Variants in GABRA2 observed in about 807,000 individuals in gnomAD.
The protein encoded by GABRA2 is gamma-aminobutyric acid receptor subunit alpha-2.
GABRA2 carries 16 observed loss-of-function variants against 48.7 expected under a neutral mutation model. The observed-to-expected ratio is 0.33, with a 90% CI of 0.22 to 0.50. The LOEUF (loss-of-function observed/expected upper bound fraction) is 0.50. Ranked by LOEUF, GABRA2 falls within the 20% of genes least tolerant of loss-of-function variation. The probability of loss-of-function intolerance (pLI) is 0.98; values close to 1 mark genes in which losing one functional copy is unlikely to be tolerated. For missense variants in GABRA2, 275 were observed against 535.6 expected (o/e 0.51, Z 4.80); for synonymous variants, 185 against 184.5 (o/e 1.00, Z -0.02).
chr4:46,300,896 A>G (rs750203936), intron 8 of GABRA2, among the ~76,000 whole-genome samples: 149 of 152,074 alleles, frequency 9.8e-4, no homozygotes, highest in Non-Finnish European at 1.4e-3. Context: ...CTATTTTAGT[A>G]GCCTCTTAAC....
At chr4:46,343,158 G>C (rs1231242315) in intron 3 of GABRA2, among the ~76,000 whole-genome samples, 2 of 151,786 alleles carry the variant, frequency 1.3e-5, no homozygotes, top group African/African-American at 4.8e-5. Flanking sequence ...ACCTTGCCCT[G>C]TTTTTCCCCA....
rs115857741 is a variant in GABRA2 at position 46,282,637 on chromosome 4, A to G, written c.857-20509T>C. 7.6e-3 allele frequency among the ~76,000 whole-genome samples: 1,151 copies of G among 152,290 alleles called. 16 individuals carry two copies. The highest frequency in any genetic ancestry group is 0.026 in the African/African-American group (1,082 of 41,562). On this transcript the variant is annotated intron_variant, in intron 8 of 9. Transcript: ENST00000381620. ...ATTCCTGCCCAGATCTGTTTTTCCC[A>G]GAAGTTTATAGAGGTCCATAGCTTC...
chr4:46,369,726 A>G (rs1212803916), intron 3 of GABRA2, among the ~76,000 whole-genome samples: 1 of 152,148 alleles, frequency 6.6e-6, no homozygotes, highest in Non-Finnish European at 1.5e-5. Flanking sequence ...AGGCAGAGTC[A>G]TAAGTCTTTG....
At chr4:46,373,196 A>G (rs751965864) in intron 3 of GABRA2, among the ~76,000 whole-genome samples, 3 of 152,218 alleles carry the variant, frequency 2.0e-5, no homozygotes, top group Non-Finnish European at 4.4e-5. Context: ...GAATGTAAAC[A>G]TCTTCATCCT....
intron 3 of GABRA2, among the ~76,000 whole-genome samples, chr4:46,349,727 T>G (rs1578136906): frequency 6.6e-6 from 1 of 151,928 alleles, no homozygotes; most frequent in East Asian, 1.9e-4. Flanking sequence ...AACACAGAGC[T>G]TATTGATATT....
intron 1 of GABRA2, 170 bp from the exon 2 acceptor site, chr4:46,388,886 T>C (rs1717840529): frequency 7.3e-7 from 1 of 1,361,098 alleles, no homozygotes; most frequent in Non-Finnish European, 9.5e-7. Context: ...ATTTCTTTTT[T>C]ATGGACCCCC....
chr4:46,281,986 C>A (rs1414186896), intron 8 of GABRA2, among the ~76,000 whole-genome samples: 3 of 152,042 alleles, frequency 2.0e-5, no homozygotes, highest in African/African-American at 7.2e-5. Context: ...GAAGGGTTGG[C>A]AATATGCAGA....
chr4:46,254,099 A>T (rs1327030998), intron 9 of GABRA2, among the ~76,000 whole-genome samples: 1 of 151,460 alleles, frequency 6.6e-6, no homozygotes, highest in African/African-American at 2.4e-5. Context: ...TGATAGTCCC[A>T]AAGAATATCC....
rs1718026731 is a variant in GABRA2 at position 46,389,888 on chromosome 4, G to A, written c.-164C>T. The A allele has an allele frequency of 4.1e-6, 4 of 983,654 alleles. No individual in the cohort carries two copies. Among genetic ancestry groups the A allele is most frequent in the Non-Finnish European group, 4.8e-6 (4 of 830,338 alleles). The allele number at this position is 983,654 out of a possible 1,614,324, so 60.9% of individuals were successfully genotyped here. A position where few individuals can be genotyped will look rare whatever the true frequency, so the allele number is the denominator to read the frequency against. On this transcript the variant is annotated 5_prime_UTR_variant, in exon 1 of 10. It adds an upstream start codon to the 5' untranslated region. Coordinates refer to ENST00000381620, the MANE Select transcript of GABRA2 (RefSeq NM_000807.4). ...CCGAGACTGCAGCAGCCAAGAGAGC[G>A]TGGAGCGATGGGCTGGTGGAAGCCG...
intron 8 of GABRA2, among the ~76,000 whole-genome samples, chr4:46,262,386 C>G (rs1277927669): frequency 5.9e-5 from 9 of 152,050 alleles, no homozygotes; most frequent in Non-Finnish European, 1.0e-4. Flanking sequence ...AAATCAACTT[C>G]CTTCTTCTTA....
intron 3 of GABRA2, among the ~76,000 whole-genome samples, chr4:46,347,145 A>G (rs1734275300): frequency 6.6e-6 from 1 of 151,986 alleles, no homozygotes; most frequent in Non-Finnish European, 1.5e-5. Context: ...AAGATTTAAT[A>G]TTGTCAAAAT....
At chr4:46,327,237 G>T (rs1730545631) in intron 4 of GABRA2, among the ~76,000 whole-genome samples, 1 of 151,808 alleles carries the variant, frequency 6.6e-6, no homozygotes, top group Non-Finnish European at 1.5e-5. Flanking sequence ...TTAAAATACA[G>T]ACTTTCATGT....
intron 1 of GABRA2, chr4:46,389,437 C>G (rs780673895): frequency 1.2e-5 from 12 of 979,454 alleles, no homozygotes; most frequent in Non-Finnish European, 1.5e-5. Flanking sequence ...GCTCCGGCAG[C>G]AAACACCAGC....
intron 3 of GABRA2, among the ~76,000 whole-genome samples, chr4:46,338,106 T>C (rs2109839775): frequency 6.6e-6 from 1 of 152,002 alleles, no homozygotes; most frequent in East Asian, 1.9e-4. Context: ...ATACACACCA[T>C]TTTAAAACTG....
intron 8 of GABRA2, among the ~76,000 whole-genome samples, chr4:46,291,329 G>A (rs2350771): frequency 0.5 from 76,233 of 151,472 alleles, 20,352 homozygotes; most frequent in African/African-American, 0.69. Flanking sequence ...TTTTCTAGGA[G>A]TGTGCCCATT....
At chr4:46,356,868 T>C (rs1736056841) in intron 3 of GABRA2, among the ~76,000 whole-genome samples, 1 of 152,176 alleles carries the variant, frequency 6.6e-6, no homozygotes, top group Admixed American at 6.5e-5. Flanking sequence ...GGAGAAATAG[T>C]AACTTTTGTG....
At chr4:46,361,874 C>T (rs111776617) in intron 3 of GABRA2, among the ~76,000 whole-genome samples, 2 of 152,182 alleles carry the variant, frequency 1.3e-5, no homozygotes, top group African/African-American at 4.8e-5. Flanking sequence ...TCCAATTGCC[C>T]CACTAGATTT....
intron 8 of GABRA2, among the ~76,000 whole-genome samples, chr4:46,282,323 T>C (rs1721686747): frequency 6.6e-6 from 1 of 152,146 alleles, no homozygotes; most frequent in South Asian, 2.1e-4. Flanking sequence ...GGGAAGAGCA[T>C]GTGTCCTATG....
rs1578265049 is a variant in GABRA2 at position 46,390,058 on chromosome 4, G to C, written c.-334C>G. 1 of 359,448 alleles carries C rather than the reference G, an allele frequency of 2.8e-6. No homozygotes were observed. Among genetic ancestry groups the C allele is most frequent in the African/African-American group, 2.2e-5 (1 of 44,688 alleles). 22.3% of individuals were successfully genotyped at this position (359,448 alleles called of 1,614,324 possible). ...AAACGATGACAGGAGCTGGGGCCGG[G>C]GGGGGAAATTGGGGGGACGCGGGCG... On this transcript the variant is annotated 5_prime_UTR_variant, in exon 1 of 10. Transcript: ENST00000381620.
Sources: gnomAD v4.1 joint callset for allele counts (sites outside exome capture counted in the v4.1 genomes callset) on GRCh38, gnomAD v4.1.1 for gene constraint, MANE v1.5 for transcripts, NCBI Gene and HGNC (gene_info 2026-07-23, HGNC 2026-07-21) for gene names.